GPAM: variants seen among roughly 807,000 people sequenced by gnomAD.
The protein encoded by GPAM is glycerol-3-phosphate acyltransferase, mitochondrial, also known as glycerol-3-phosphate acyltransferase 1, mitochondrial.
In GPAM, 56 loss-of-function variants were observed where a neutral mutation model predicts 105.0. The ratio of observed to expected loss-of-function variants is 0.53; its 90% CI spans 0.43 to 0.67. The LOEUF (loss-of-function observed/expected upper bound fraction) is 0.67, where lower values mean the gene tolerates loss of function less well. Among genes scored for constraint, GPAM ranks in the 30% least tolerant of loss-of-function variants. The probability of loss-of-function intolerance (pLI) is 0.00; values close to 1 mark genes in which losing one functional copy is unlikely to be tolerated. For missense variants in GPAM, 855 were observed against 989.8 expected (o/e 0.86, Z 1.83); for synonymous variants, 368 against 354.4 (o/e 1.04, Z -0.43).
rs1183790597 is a variant in GPAM at position 112,163,561 on chromosome 10, C to T, written c.1423+140G>A. On this transcript the variant is annotated intron_variant, in intron 14 of 21. Coordinates refer to ENST00000348367, the MANE Select transcript of GPAM (RefSeq NM_001244949.2). Reference sequence around the variant, plus strand: ...TCTCAAATCCTCACGGTATCACCTTCTTTCTAATAACTTACCTATCACCAC... The same window carrying T: ...TCTCAAATCCTCACGGTATCACCTTTTTTCTAATAACTTACCTATCACCAC... 4 of 670,028 alleles carry T rather than the reference C, an allele frequency of 6.0e-6. No individual in the cohort carries two copies. The Admixed American group carries it at 8.5e-5, about 14-fold the overall frequency. 41.5% of individuals were successfully genotyped at this position (670,028 alleles called of 1,614,324 possible). A position where few individuals can be genotyped will look rare whatever the true frequency, so the allele number is the denominator to read the frequency against.
intron 21 of GPAM, chr10:112,154,343 T>C (rs1207008605): frequency 2.1e-6 from 1 of 470,362 alleles, no homozygotes; most frequent in Non-Finnish European, 3.8e-6. Flanking sequence ...ATATTCAACC[T>C]GTAGCACCTT....
chr10:112,208,801 A>G (rs1022337712), intron 1 of GPAM, among the ~76,000 whole-genome samples: 1 of 152,234 alleles, frequency 6.6e-6, no homozygotes, highest in Non-Finnish European at 1.5e-5. Flanking sequence ...TGATAAAAGA[A>G]GTAATGCTTT....
rs75150782 is a variant in GPAM at position 112,151,168 on chromosome 10, T to G, written c.*2382A>C. 8.7e-4 allele frequency: 850 copies of G among 982,250 alleles called. 7 individuals carry two copies. The African/African-American group carries it at 0.013, about 15-fold the overall frequency. The allele number at this position is 982,250 out of a possible 1,614,324, so 60.8% of individuals were successfully genotyped here. A position where few individuals can be genotyped will look rare whatever the true frequency, so the allele number is the denominator to read the frequency against. On this transcript the variant is annotated 3_prime_UTR_variant, in exon 22 of 22. Coordinates refer to ENST00000348367, the MANE Select transcript of GPAM (RefSeq NM_001244949.2). ...CCCCTGAAGAAGGGCATGCATTTCA[T>G]GTTACAGAAATGCGATAGAGTAAAC...
rs377443118 is a variant in GPAM, at chr10:112,156,092, G to A, written c.2122-39C>T. The A allele has an allele frequency of 2.1e-6, 3 of 1,455,778 alleles. No homozygotes were observed. The African/African-American group carries it at 4.2e-5, about 20-fold the overall frequency. 90.2% of individuals were successfully genotyped at this position (1,455,778 alleles called of 1,614,324 possible). ...AGCAGGAGATGAAGTCATGAGGAAG[G>A]GACAAGAGACACAAGGCAAGTGGAC... On this transcript the variant is annotated intron_variant, in intron 19 of 21. Transcript: ENST00000348367.
chr10:112,223,839 C>T, the GPAM span, among the ~76,000 whole-genome samples: 2 of 152,142 alleles, frequency 1.3e-5, no homozygotes, highest in Admixed American at 1.3e-4. Context: ...CAAATAAAAA[C>T]TTGTGGTGGG....
chr10:112,222,191 A>AT, the GPAM span, among the ~76,000 whole-genome samples: 2 of 152,080 alleles, frequency 1.3e-5, no homozygotes, highest in Non-Finnish European at 2.9e-5. Flanking sequence ...CTAAATTTAA[A>AT]TTTTTTCTAT....
chr10:112,223,129 CCT>C, the GPAM span, among the ~76,000 whole-genome samples: 45 of 152,326 alleles, frequency 3.0e-4, no homozygotes, highest in Middle Eastern at 3.4e-3. Flanking sequence ...GTCTGAGGCT[CCT>C]CTGACCTAAT....
At chr10:112,181,591 T>C in intron 3 of GPAM, 92 bp downstream of exon 3, 1 of 777,124 alleles carries the variant, frequency 1.3e-6, no homozygotes, top group South Asian at 1.4e-5. Context: ...CTTGATGTGA[T>C]ATTATGTTGC....
At chr10:112,190,613 C>A (rs1326180347) in intron 1 of GPAM, among the ~76,000 whole-genome samples, 4 of 151,980 alleles carry the variant, frequency 2.6e-5, no homozygotes, top group African/African-American at 9.7e-5. Context: ...TTGACTGAAA[C>A]CTGCTTCATC....
At position 112,149,922 on chromosome 10, in the gene GPAM, C is replaced by T; in HGVS notation, c.*3628G>A. ...TACATTTTCTGTGTTTCTTGCAATA[C>T]ACTAACAAGCATAAAAATCAATCAG... On this transcript the variant is annotated 3_prime_UTR_variant, in exon 22 of 22. Transcript: ENST00000348367. 1 of 985,548 alleles carries T rather than the reference C, an allele frequency of 1.0e-6. No individual in the cohort carries two copies. The highest frequency in any genetic ancestry group is 1.2e-6 in the Non-Finnish European group (1 of 829,638). The allele number at this position is 985,548 out of a possible 1,614,324, so 61.1% of individuals were successfully genotyped here.
At chr10:112,201,834 C>T (rs1051334252) in intron 1 of GPAM, among the ~76,000 whole-genome samples, 8 of 152,124 alleles carry the variant, frequency 5.3e-5, no homozygotes, top group Non-Finnish European at 8.8e-5. Flanking sequence ...AGTCCCCAGG[C>T]CTATCATAGA....
chr10:112,173,107 A>G, intron 7 of GPAM, 41 bp from the exon 8 acceptor site: 1 of 1,131,904 alleles, frequency 8.8e-7, no homozygotes, highest in Non-Finnish European at 1.4e-6. Flanking sequence ...ATAAATGAAC[A>G]CACGTTATTT....
At chr10:112,160,549 T>C in intron 16 of GPAM, 55 bp downstream of exon 16, 3 of 1,505,030 alleles carry the variant, frequency 2.0e-6, no homozygotes, top group South Asian at 1.1e-5. Context: ...CTATGTGTTT[T>C]AGGCCTTTTT....
Position 112,150,194 on chromosome 10 carries a change from A to AG in GPAM, c.*3355dup. 1.1e-5 allele frequency: 11 copies of AG among 985,218 alleles called. No homozygotes were observed. The highest frequency in any genetic ancestry group is 1.3e-5 in the Non-Finnish European group (11 of 829,672). The allele number at this position is 985,218 out of a possible 1,614,324, so 61.0% of individuals were successfully genotyped here. Reference sequence around the variant, plus strand: ...GGTTTCTAAAATAGTTTTAAAAAACAGGTTTACAGCCCATAGTAAGTCTTA... The same window carrying AG: ...GGTTTCTAAAATAGTTTTAAAAAACAGGGTTTACAGCCCATAGTAAGTCTTA... On this transcript the variant is annotated 3_prime_UTR_variant, in exon 22 of 22. Coordinates refer to ENST00000348367, the MANE Select transcript of GPAM (RefSeq NM_001244949.2).
intron 21 of GPAM, 190 bp downstream of exon 21, chr10:112,154,439 C>T (rs976464738): frequency 4.9e-6 from 3 of 617,152 alleles, no homozygotes; most frequent in Non-Finnish European, 5.8e-6. Flanking sequence ...TAAATCTACA[C>T]TGATGGGCTT....
chr10:112,179,584 A>C (rs1254676194), intron 4 of GPAM, among the ~76,000 whole-genome samples: 1 of 152,160 alleles, frequency 6.6e-6, no homozygotes, highest in East Asian at 1.9e-4. Flanking sequence ...TTCCACACAA[A>C]TCTCTCCCAT....
Position 112,153,605 on chromosome 10 carries a change from G to T in GPAM, c.2432C>A (p.Pro811His). ...SVLELSSTFLPQCNRQKLLEY... is the reference protein window; with the variant it reads ...SVLELSSTFLHQCNRQKLLEY... ...TAGAAGTTTTTGTCGGTTGCATTGAGGTAGAAAAGTGCTGCTCAGTTCTAA... is the reference window on the plus strand; with the variant it reads ...TAGAAGTTTTTGTCGGTTGCATTGATGTAGAAAAGTGCTGCTCAGTTCTAA... Residue 811 changes from proline (P) to histidine (H), a missense_variant, in exon 22 of 22, where the codon CCT becomes CAT. Transcript: ENST00000348367. The T allele has an allele frequency of 6.2e-7, 1 of 1,613,808 alleles. No individual in the cohort carries two copies. The highest frequency in any genetic ancestry group is 1.1e-5 in the South Asian group (1 of 91,074).
Position 112,151,770 on chromosome 10 carries a change from C to T in GPAM, c.*1780G>A. 8.1e-6 allele frequency: 8 copies of T among 984,880 alleles called. No homozygotes were observed. Among genetic ancestry groups the T allele is most frequent in the Non-Finnish European group, 9.6e-6 (8 of 829,498 alleles). The allele number at this position is 984,880 out of a possible 1,614,324, so 61.0% of individuals were successfully genotyped here. On this transcript the variant is annotated 3_prime_UTR_variant, in exon 22 of 22. Coordinates refer to ENST00000348367, the MANE Select transcript of GPAM (RefSeq NM_001244949.2). ...AAAAAAGAGACTAGTGAAATGTTTG[C>T]TTCCCCAGATAAGGAACACCCAAGA...
chr10:112,215,844 G>C (rs564946864), upstream of GPAM, among the ~76,000 whole-genome samples: 13 of 152,294 alleles, frequency 8.5e-5, no homozygotes, highest in East Asian at 2.3e-3. Flanking sequence ...AGAGATGTTG[G>C]AGATGCTTTA....
Sources: allele counts gnomAD v4.1 joint callset (sites outside exome capture counted in the v4.1 genomes callset), GRCh38; gene constraint gnomAD v4.1.1; transcripts MANE v1.5; gene names NCBI Gene and HGNC (gene_info 2026-07-23, HGNC 2026-07-21).